Variants in ADD2 observed in about 807,000 individuals in gnomAD.
ADD2 encodes the protein beta-adducin.
Under a neutral mutation model 83.0 loss-of-function variants are expected in ADD2, and 23 were observed. The observed-to-expected ratio is 0.28, with a 90% CI of 0.20 to 0.39. ADD2 has a LOEUF of 0.39. Among genes scored for constraint, ADD2 ranks in the 10% least tolerant of loss-of-function variants. ADD2 has a pLI of 1.00. For missense variants in ADD2, 758 were observed against 944.9 expected (o/e 0.80, Z 2.59); for synonymous variants, 375 against 375.4 (o/e 1.00, Z 0.01).
At chr2:70,667,569 T>G (rs571595302) in intron 15 of ADD2, among the ~76,000 whole-genome samples, 1 of 152,160 alleles carries the variant, frequency 6.6e-6, no homozygotes, top group Admixed American at 6.5e-5. Context: ...GATGCCCAGA[T>G]AGTTGATAAA....
intron 1 of ADD2, among the ~76,000 whole-genome samples, chr2:70,732,592 G>A (rs1673340934): frequency 6.6e-6 from 1 of 152,200 alleles, no homozygotes; most frequent in African/African-American, 2.4e-5. Context: ...GCCATCCTCA[G>A]ATGGCTTTCA....
chr2:70,676,667 G>A lies in ADD2; in HGVS notation c.1593+129C>T, dbSNP rs1294664236. 1 of 1,498,420 alleles carries A rather than the reference G, an allele frequency of 6.7e-7. No individual in the cohort carries two copies. Among genetic ancestry groups the A allele is most frequent in the Non-Finnish European group, 9.0e-7 (1 of 1,115,950 alleles). The allele number at this position is 1,498,420 out of a possible 1,614,324, so 92.8% of individuals were successfully genotyped here. A position where few individuals can be genotyped will look rare whatever the true frequency, so the allele number is the denominator to read the frequency against. On this transcript the variant is annotated intron_variant, in intron 13 of 15. Transcript: ENST00000264436. This position sits in a 1 kb window ranked among gnomAD's most constrained non-coding sequence, Gnocchi z 4.8. ...GGTTGGCCTCCATTTTGCAGCAAGAGCACCGGCACCCAAGATCACAGGGGA... is the reference window on the plus strand; with the variant it reads ...GGTTGGCCTCCATTTTGCAGCAAGAACACCGGCACCCAAGATCACAGGGGA...
intron 1 of ADD2, among the ~76,000 whole-genome samples, chr2:70,732,979 C>T (rs1419482070): frequency 6.6e-6 from 1 of 152,156 alleles, no homozygotes; most frequent in East Asian, 1.9e-4. Context: ...GTCTGATCTG[C>T]CTTCCCCTGC....
intron 3 of ADD2, among the ~76,000 whole-genome samples, chr2:70,705,911 C>T (rs1553374322): frequency 6.6e-6 from 1 of 152,222 alleles, no homozygotes; most frequent in African/African-American, 2.4e-5. Flanking sequence ...CGTTCACTGT[C>T]ATAGCTTTTG....
intron 10 of ADD2, 151 bp from the exon 11 acceptor site, chr2:70,679,112 T>A: frequency 2.0e-6 from 2 of 986,842 alleles, no homozygotes; most frequent in South Asian, 1.8e-5. Context: ...TCCACTCTTC[T>A]GGTATATTTC....
chr2:70,765,338 A>G (rs6705429), intron 1 of ADD2, among the ~76,000 whole-genome samples: 81,102 of 152,152 alleles, frequency 0.53, 23,189 homozygotes, highest in African/African-American at 0.76. Context: ...GGGCAACAGA[A>G]TGAGATTGTG....
intron 14 of ADD2, 126 bp downstream of exon 14, chr2:70,674,552 G>C: frequency 9.3e-7 from 1 of 1,080,562 alleles, no homozygotes; most frequent in Non-Finnish European, 1.3e-6. Flanking sequence ...GCATTTTTGT[G>C]ATTAATGGAA....
rs1675605569 is a variant in ADD2 at position 70,663,227 on chromosome 2, G to A, written c.*198C>T. ...AGGCTCTGCCGCTAACTAGCTGTGT[G>A]ACCTTGGGCAAGTCACCTGATTTCT... On this transcript the variant is annotated 3_prime_UTR_variant, in exon 16 of 16. Coordinates refer to ENST00000264436, the MANE Select transcript of ADD2 (RefSeq NM_001617.4). The A allele has an allele frequency of 4.9e-6, 3 of 609,048 alleles. No homozygotes were observed. The highest frequency in any genetic ancestry group is 8.5e-6 in the Non-Finnish European group (3 of 352,068). 37.7% of individuals were successfully genotyped at this position (609,048 alleles called of 1,614,324 possible).
At chr2:70,698,376 AGAG>A (rs1322958983) in intron 4 of ADD2, among the ~76,000 whole-genome samples, 3 of 152,246 alleles carry the variant, frequency 2.0e-5, no homozygotes, top group Non-Finnish European at 2.9e-5. Context: ...CAGAAGAAGA[AGAG>A]AACAGGAGGG....
intron 1 of ADD2, among the ~76,000 whole-genome samples, chr2:70,729,024 C>T (rs1224485148): frequency 1.3e-5 from 2 of 152,364 alleles, no homozygotes; most frequent in African/African-American, 2.4e-5. Flanking sequence ...ACAGGGACTT[C>T]GAAGGCAGCC....
intron 1 of ADD2, among the ~76,000 whole-genome samples, chr2:70,732,191 G>A (rs1173551731): frequency 6.6e-6 from 1 of 152,138 alleles, no homozygotes; most frequent in Non-Finnish European, 1.5e-5. Context: ...GCATGAAGTT[G>A]TACGAAAATA....
chr2:70,692,285 C>A, intron 7 of ADD2, 118 bp downstream of exon 7: 1 of 1,221,520 alleles, frequency 8.2e-7, no homozygotes, highest in Non-Finnish European at 1.1e-6. Flanking sequence ...GTTGGGAGTT[C>A]TCTCGCTTCA....
intron 4 of ADD2, among the ~76,000 whole-genome samples, chr2:70,703,605 G>A (rs1465404471): frequency 6.6e-6 from 1 of 152,100 alleles, no homozygotes; most frequent in African/African-American, 2.4e-5. Flanking sequence ...GATGTTTATT[G>A]CATTGTTCCT....
chr2:70,714,994 T>C (rs565008298), intron 1 of ADD2, among the ~76,000 whole-genome samples: 13 of 152,278 alleles, frequency 8.5e-5, no homozygotes, highest in African/African-American at 2.9e-4. Flanking sequence ...CCAACCCCCA[T>C]TGCTGCTGAA....
chr2:70,695,406 C>A (rs1553372406), intron 6 of ADD2, among the ~76,000 whole-genome samples: 2 of 151,902 alleles, frequency 1.3e-5, no homozygotes, highest in African/African-American at 4.8e-5. Flanking sequence ...TCCCCCTAAC[C>A]AGAAAGGCCC....
chr2:70,665,056 A>C (rs1553365913), intron 15 of ADD2, among the ~76,000 whole-genome samples: 13 of 152,154 alleles, frequency 8.5e-5, no homozygotes. Flanking sequence ...GTGTGTTGCC[A>C]CATCACAAGA....
At chr2:70,705,809 G>A (rs1438440334) in intron 3 of ADD2, among the ~76,000 whole-genome samples, 1 of 152,116 alleles carries the variant, frequency 6.6e-6, no homozygotes, top group African/African-American at 2.4e-5. Context: ...CATTTGTCCC[G>A]ACAGAAAGTT....
chr2:70,735,183 G>A (rs1383465706), intron 1 of ADD2, among the ~76,000 whole-genome samples: 1 of 151,870 alleles, frequency 6.6e-6, no homozygotes, highest in Non-Finnish European at 1.5e-5. Context: ...TGTCAGCACA[G>A]GAAGGTACAG....
intron 15 of ADD2, among the ~76,000 whole-genome samples, chr2:70,665,969 C>T (rs1484762503): frequency 1.3e-5 from 2 of 152,140 alleles, no homozygotes; most frequent in Non-Finnish European, 2.9e-5. Flanking sequence ...GTGCCCACTA[C>T]CAAGCCCAGC....
Sources: gnomAD v4.1 joint callset for allele counts (sites outside exome capture counted in the v4.1 genomes callset) on GRCh38, gnomAD v4.1.1 for gene constraint, Gnocchi (gnomAD v3.1) non-coding constraint, MANE v1.5 for transcripts, NCBI Gene and HGNC (gene_info 2026-07-23, HGNC 2026-07-21) for gene names.